Variants in FSCN1 observed in about 807,000 individuals in gnomAD.
FSCN1 encodes the protein fascin actin-bundling protein 1, also known as fascin.
FSCN1 carries 10 observed loss-of-function variants against 39.7 expected under a neutral mutation model. The ratio of observed to expected loss-of-function variants is 0.25; its 90% CI spans 0.16 to 0.43. The LOEUF (loss-of-function observed/expected upper bound fraction) is 0.43. FSCN1 is among the 20% of genes least tolerant of loss of function. The pLI is 1.00. For synonymous variants in FSCN1, 322 were observed against 320.0 expected (o/e 1.01, Z -0.07); for missense variants, 525 against 723.8 (o/e 0.73, Z 3.15).
At position 5,603,493 on chromosome 7, in the gene FSCN1, C is replaced by T. The variant is rs184652662; in HGVS notation, c.990-3C>T. On this transcript the variant is annotated splice_polypyrimidine_tract_variant and splice_region_variant and intron_variant, in intron 2 of 4. Coordinates refer to ENST00000382361, the MANE Select transcript of FSCN1 (RefSeq NM_003088.4). The surrounding 1 kb of genome is among the most constrained non-coding windows in gnomAD (Gnocchi z 8.5). ...CGCCTGACCCTGTCCCGCCATCCCC[C>T]AGGAATGCCAGCTGCTACTTTGACA... 7.6e-5 allele frequency: 123 copies of T among 1,614,166 alleles called. No homozygotes were observed. The African/African-American group carries it at 1.5e-3, about 20-fold the overall frequency.
At chr7:5,602,160 C>A (rs1768250262) in intron 1 of FSCN1, among the ~76,000 whole-genome samples, 1 of 151,532 alleles carries the variant, frequency 6.6e-6, no homozygotes. Flanking sequence ...CCTGCCTTGG[C>A]CTCCCAAACT....
chr7:5,602,693 T>C (rs1485102067), intron 1 of FSCN1, among the ~76,000 whole-genome samples: 6 of 145,902 alleles, frequency 4.1e-5, no homozygotes, highest in Non-Finnish European at 8.9e-5. Context: ...GCAGTTGGTT[T>C]CTTGATTCTT....
chr7:5,595,845 G>A (rs895724169), intron 1 of FSCN1, among the ~76,000 whole-genome samples: 7 of 152,196 alleles, frequency 4.6e-5, no homozygotes, highest in African/African-American at 1.7e-4. Flanking sequence ...CTGGGGGCCA[G>A]GAAGTTGCAG....
At position 5,605,435 on chromosome 7, in the gene FSCN1, G is replaced by C. The variant is rs376411605; in HGVS notation, c.1443G>C (p.Ser481=). 1.9e-6 allele frequency: 3 copies of C among 1,605,768 alleles called. No homozygotes were observed. Among genetic ancestry groups the C allele is most frequent in the Non-Finnish European group, 2.6e-6 (3 of 1,176,412 alleles). ...ACCACGCAGGCGTCCTGAAGGCCTC[G>C]GCGGAAACCGTGGACCCCGCCTCGC... ...KGDHAGVLKA[S]AETVDPASLW... Residue 481 remains serine, a synonymous_variant, in exon 5 of 5, where the codon TCG becomes TCC. Transcript: ENST00000382361. This position sits in a 1 kb window ranked among gnomAD's most constrained non-coding sequence, Gnocchi z 6.9.
intron 1 of FSCN1, among the ~76,000 whole-genome samples, chr7:5,596,397 G>C (rs1785731281): frequency 6.6e-6 from 1 of 152,248 alleles, no homozygotes. Flanking sequence ...TCTGTAAAGT[G>C]TGCATTCCAG....
At chr7:5,593,925 G>A (rs1785680083) in intron 1 of FSCN1, 157 bp downstream of exon 1, 1 of 590,762 alleles carries the variant, frequency 1.7e-6, no homozygotes, top group African/African-American at 2.0e-5. Flanking sequence ...ACCCCGCCTG[G>A]AGGGGGCGAG....
rs73334479 is a variant in FSCN1, at chr7:5,605,914, T to A, written c.*440T>A. The A allele has an allele frequency of 0.012, 2,025 of 165,240 alleles. 42 individuals are homozygous for A. Among genetic ancestry groups the A allele is most frequent in the African/African-American group, 0.046 (1,931 of 41,764 alleles). 10.2% of individuals were successfully genotyped at this position (165,240 alleles called of 1,614,324 possible). A position where few individuals can be genotyped will look rare whatever the true frequency, so the allele number is the denominator to read the frequency against. On this transcript the variant is annotated 3_prime_UTR_variant, in exon 5 of 5. Transcript: ENST00000382361. This position sits in a 1 kb window ranked among gnomAD's most constrained non-coding sequence, Gnocchi z 6.9. Reference sequence around the variant, plus strand: ...GCCCCCCAGGAGAGCTGGGCACATGTCCCAAGCCTGTCAGTGGCCCTCCCT... The same window carrying A: ...GCCCCCCAGGAGAGCTGGGCACATGACCCAAGCCTGTCAGTGGCCCTCCCT...
intron 1 of FSCN1, among the ~76,000 whole-genome samples, chr7:5,600,480 C>T (rs558601355): frequency 2.0e-5 from 3 of 152,102 alleles, no homozygotes; most frequent in Non-Finnish European, 4.4e-5. Flanking sequence ...CTTAAGTTTC[C>T]CGAAGATAGA....
intron 1 of FSCN1, chr7:5,595,012 C>G (rs1785705621): frequency 6.6e-6 from 1 of 152,364 alleles, no homozygotes; most frequent in African/African-American, 2.4e-5. Context: ...AGAAGCTGTT[C>G]CTTGCTTGCA....
chr7:5,603,742 G>A lies in FSCN1; in HGVS notation c.1112-121G>A, dbSNP rs1224130607. 3.5e-5 allele frequency: 53 copies of A among 1,503,052 alleles called. No homozygotes were observed. The highest frequency in any genetic ancestry group is 4.1e-4 in the Middle Eastern group (2 of 4,856). 93.1% of individuals were successfully genotyped at this position (1,503,052 alleles called of 1,614,324 possible). A position where few individuals can be genotyped will look rare whatever the true frequency, so the allele number is the denominator to read the frequency against. On this transcript the variant is annotated intron_variant, in intron 3 of 4. Transcript: ENST00000382361. This position sits in a 1 kb window ranked among gnomAD's most constrained non-coding sequence, Gnocchi z 8.5. ...CTGGGCATCCCCCCGGACTGGCCCC[G>A]CACTGTCCTACCCTGGGGACTGCTG...
rs1785876815 is a variant in FSCN1, at chr7:5,603,721, G to GC, written c.1111+105dup. On this transcript the variant is annotated intron_variant, in intron 3 of 4. Transcript: ENST00000382361. This position sits in a 1 kb window ranked among gnomAD's most constrained non-coding sequence, Gnocchi z 8.5. The stretch of plus-strand genomic sequence containing the variant: ...CCAGCCAAGGCCTGCTCTGTGCTGG[G>GC]CATCCCCCCGGACTGGCCCCGCACT... 2 of 1,548,296 alleles carry GC rather than the reference G, an allele frequency of 1.3e-6. No individual in the cohort carries two copies. The highest frequency in any genetic ancestry group is 2.7e-5 in the African/African-American group (2 of 73,458).
rs1451131747 is a variant in FSCN1, at chr7:5,599,790, G to C, written c.833-3467G>C. ...CACTTGCACTCCAGCCTGGGCAACA[G>C]AGCAAGACCCTATCTCTAAAAAAAA... On this transcript the variant is annotated intron_variant, in intron 1 of 4. Coordinates refer to ENST00000382361, the MANE Select transcript of FSCN1 (RefSeq NM_003088.4). This position sits in a 1 kb window ranked among gnomAD's most constrained non-coding sequence, Gnocchi z 5.6. 5.3e-5 allele frequency among the ~76,000 whole-genome samples: 8 copies of C among 151,706 alleles called. No homozygotes were observed. Among genetic ancestry groups the C allele is most frequent in the African/African-American group, 1.9e-4 (8 of 41,282 alleles).
chr7:5,603,251 C>T lies in FSCN1; in HGVS notation c.833-6C>T, dbSNP rs139675041. 3.5e-5 allele frequency: 57 copies of T among 1,611,682 alleles called. No individual in the cohort carries two copies. The Middle Eastern group carries it at 8.7e-4, about 25-fold the overall frequency. ...CCAGTACCAGCCCAAGGCCTCCTCT[C>T]TGCAGGTATGGACCTGTCTGCCAAT... On this transcript the variant is annotated splice_polypyrimidine_tract_variant and splice_region_variant and intron_variant, in intron 1 of 4. Transcript: ENST00000382361. The surrounding 1 kb of genome is among the most constrained non-coding windows in gnomAD (Gnocchi z 8.5).
At chr7:5,598,365 G>A (rs1168348019) in intron 1 of FSCN1, among the ~76,000 whole-genome samples, 1 of 152,212 alleles carries the variant, frequency 6.6e-6, no homozygotes, top group Non-Finnish European at 1.5e-5. Context: ...AGGAATGGCT[G>A]GGAAGCTCCC....
Position 5,603,834 on chromosome 7 carries a change from G to A in FSCN1, c.1112-29G>A, listed in dbSNP as rs75619556. 14,768 of 1,604,850 alleles carry A rather than the reference G, an allele frequency of 9.2e-3. 84 individuals carry two copies. Among genetic ancestry groups the A allele is most frequent in the Non-Finnish European group, 0.011 (13,418 of 1,174,044 alleles). ...CCTCCACCCCACTCCCTGCCAGGAGGCTCACTGACTCCCCTCTTTCTGGGA... is the reference window on the plus strand; with the variant it reads ...CCTCCACCCCACTCCCTGCCAGGAGACTCACTGACTCCCCTCTTTCTGGGA... On this transcript the variant is annotated intron_variant, in intron 3 of 4. Transcript: ENST00000382361. The surrounding 1 kb of genome is among the most constrained non-coding windows in gnomAD (Gnocchi z 8.5).
chr7:5,593,857 C>T, intron 1 of FSCN1, 89 bp downstream of exon 1: 4 of 922,998 alleles, frequency 4.3e-6, no homozygotes, highest in Non-Finnish European at 6.3e-6. Flanking sequence ...CTTTCTCGCT[C>T]GCGGCGCCGC....
chr7:5,596,620 T>C (rs1785735092), intron 1 of FSCN1, among the ~76,000 whole-genome samples: 1 of 152,126 alleles, frequency 6.6e-6, no homozygotes, highest in South Asian at 2.1e-4. Context: ...CTGGGAGTCC[T>C]CTCCCGCCAG....
chr7:5,603,013 A>C lies in FSCN1; in HGVS notation c.833-244A>C. Reference sequence around the variant, plus strand: ...GCATGAGCCCCTGTCCCTGGCCCCTATTATTTCTCTAACTGGGGAAAGTCA... The same window carrying C: ...GCATGAGCCCCTGTCCCTGGCCCCTCTTATTTCTCTAACTGGGGAAAGTCA... On this transcript the variant is annotated intron_variant, in intron 1 of 4. Transcript: ENST00000382361. This position sits in a 1 kb window ranked among gnomAD's most constrained non-coding sequence, Gnocchi z 8.5. 2 of 553,140 alleles carry C rather than the reference A, an allele frequency of 3.6e-6. No homozygotes were observed. Among genetic ancestry groups the C allele is most frequent in the Non-Finnish European group, 3.2e-6 (1 of 308,778 alleles). 34.3% of individuals were successfully genotyped at this position (553,140 alleles called of 1,614,324 possible). A position where few individuals can be genotyped will look rare whatever the true frequency, so the allele number is the denominator to read the frequency against.
chr7:5,600,216 G>T (rs1299234188), intron 1 of FSCN1, among the ~76,000 whole-genome samples: 1 of 151,786 alleles, frequency 6.6e-6, no homozygotes, highest in Non-Finnish European at 1.5e-5. Flanking sequence ...GTTTGAGACC[G>T]GCCTGGCCAA....
Sources: allele counts gnomAD v4.1 joint callset (sites outside exome capture counted in the v4.1 genomes callset), GRCh38; gene constraint gnomAD v4.1.1; non-coding constraint Gnocchi (gnomAD v3.1); transcripts MANE v1.5; gene names NCBI Gene and HGNC (gene_info 2026-07-23, HGNC 2026-07-21).